PPARGC1B: variants seen among roughly 807,000 people sequenced by gnomAD.
PPARGC1B encodes peroxisome proliferator-activated receptor gamma coactivator 1-beta.
In PPARGC1B, 34 loss-of-function variants were observed where a neutral mutation model predicts 101.6. That is an observed-to-expected ratio of 0.33 (90% CI 0.25 to 0.45). PPARGC1B has a LOEUF of 0.45. PPARGC1B is among the 20% of genes least tolerant of loss of function. The pLI is 1.00. For missense variants in PPARGC1B, 1,234 were observed against 1,317.6 expected, an observed-to-expected ratio of 0.94 and a Z score of 0.98; for synonymous variants, 548 against 539.3, an observed-to-expected ratio of 1.02 and a Z score of -0.22.
chr5:149,804,490 A>G (rs1446831504), intron 1 of PPARGC1B, among the ~76,000 whole-genome samples: 3 of 152,168 alleles, frequency 2.0e-5, no homozygotes, highest in East Asian at 1.9e-4. Context: ...CCTGGCCAAC[A>G]TGGCGAAACC....
At chr5:149,740,116 G>C (rs746563173) in intron 1 of PPARGC1B, 6 of 152,232 alleles carry the variant, frequency 3.9e-5, no homozygotes, top group Non-Finnish European at 8.8e-5. Context: ...ATGACTGTTT[G>C]GTGTTTTAGG....
chr5:149,830,055 G>GAAAAAAAAAAAA (rs71587791), intron 3 of PPARGC1B, among the ~76,000 whole-genome samples: 1 of 89,812 alleles, frequency 1.1e-5, no homozygotes, highest in Non-Finnish European at 2.1e-5. Flanking sequence ...AAAAAAAAAA[G>GAAAAAAAAAAAA]AAAAAAAAAA....
rs543656168 is a variant in PPARGC1B at position 149,821,776 on chromosome 5, C to G, written c.252+1170C>G. ...TACCGTCTGTAAACATGTGAACAAACAGCAGTCACTTGTGATAAGGGCAGA... is the reference window on the plus strand; with the variant it reads ...TACCGTCTGTAAACATGTGAACAAAGAGCAGTCACTTGTGATAAGGGCAGA... On this transcript the variant is annotated intron_variant, in intron 2 of 11. Transcript: ENST00000309241. 2.0e-4 allele frequency among the ~76,000 whole-genome samples: 31 copies of G among 152,292 alleles called. 1 individual carries two copies. The highest frequency in any genetic ancestry group is 3.4e-3 in the Middle Eastern group (1 of 294).
intron 1 of PPARGC1B, among the ~76,000 whole-genome samples, chr5:149,799,292 A>G (rs1757342377): frequency 6.6e-6 from 1 of 152,160 alleles, no homozygotes; most frequent in Non-Finnish European, 1.5e-5. Flanking sequence ...TTTCCCAGGG[A>G]TGAGCACTGG....
At chr5:149,809,350 CATA>C (rs1757739612) in intron 1 of PPARGC1B, among the ~76,000 whole-genome samples, 14 of 34,862 alleles carry the variant, frequency 4.0e-4, no homozygotes, top group East Asian at 5.9e-4. Flanking sequence ...CCATCTCTAC[CATA>C]GATAGATAGA....
At chr5:149,772,058 A>G in intron 1 of PPARGC1B, 3 of 1,547,658 alleles carry the variant, frequency 1.9e-6, no homozygotes, top group Non-Finnish European at 2.6e-6. Flanking sequence ...GGCTGTGCAC[A>G]GGTGGGGACC....
chr5:149,812,967 A>G (rs995273400), intron 1 of PPARGC1B, among the ~76,000 whole-genome samples: 3 of 152,358 alleles, frequency 2.0e-5, no homozygotes, highest in South Asian at 2.1e-4. Flanking sequence ...AAACATTTAT[A>G]AAGTGAAATG....
intron 1 of PPARGC1B, chr5:149,771,840 T>C (rs1756143267): frequency 7.3e-6 from 3 of 411,594 alleles, no homozygotes; most frequent in South Asian, 7.0e-5. Context: ...AGTTGTAGCA[T>C]TTTCAGGTGT....
chr5:149,782,785 G>T (rs1581047695), intron 1 of PPARGC1B, among the ~76,000 whole-genome samples: 1 of 152,228 alleles, frequency 6.6e-6, no homozygotes, highest in African/African-American at 2.4e-5. Context: ...TCACAGGGCC[G>T]CTGCTCTAGG....
chr5:149,841,380 C>T (rs760329002), intron 9 of PPARGC1B, among the ~76,000 whole-genome samples: 3 of 152,110 alleles, frequency 2.0e-5, no homozygotes, highest in Non-Finnish European at 4.4e-5. Context: ...GCTTGGACAT[C>T]GTATGTTGTG....
downstream of PPARGC1B, among the ~76,000 whole-genome samples, chr5:149,856,885 C>G (rs1477877808): frequency 6.6e-6 from 1 of 151,794 alleles, no homozygotes; most frequent in East Asian, 1.9e-4. Context: ...ATTCTCCTGC[C>G]TCAGCCTCCC....
At chr5:149,819,839 G>T (rs1406953874) in intron 1 of PPARGC1B, among the ~76,000 whole-genome samples, 1 of 152,130 alleles carries the variant, frequency 6.6e-6, no homozygotes, top group Admixed American at 6.5e-5. Flanking sequence ...TTTACATATT[G>T]TCTATTGATT....
rs546454651 is a variant in PPARGC1B at position 149,854,373 on chromosome 5, CTGTGTG to C, written c.*6823_*6828del. On this transcript the variant is annotated 3_prime_UTR_variant, in exon 12 of 12. Coordinates refer to ENST00000309241, the MANE Select transcript of PPARGC1B (RefSeq NM_133263.4). Reference sequence around the variant, plus strand: ...TGTGCACACATACACACGTCTGTGCCTGTGTGTGTGTGTTTGTGTGTGTGTGTGTGT... The same window carrying C: ...TGTGCACACATACACACGTCTGTGCCTGTGTGTTTGTGTGTGTGTGTGTGT... The C allele has an allele frequency of 6.7e-6, 1 of 149,894 alleles. No individual in the cohort carries two copies. Among genetic ancestry groups the C allele is most frequent in the African/African-American group, 2.4e-5 (1 of 40,846 alleles). 9.3% of individuals were successfully genotyped at this position (149,894 alleles called of 1,614,324 possible). A position where few individuals can be genotyped will look rare whatever the true frequency, so the allele number is the denominator to read the frequency against.
At chr5:149,774,755 A>G (rs1342052191) in intron 1 of PPARGC1B, among the ~76,000 whole-genome samples, 1 of 151,918 alleles carries the variant, frequency 6.6e-6, no homozygotes, top group Non-Finnish European at 1.5e-5. Flanking sequence ...CTCTGGCCCT[A>G]TACTGACTTG....
In PPARGC1B at chr5:149,836,705, G is replaced by A; in HGVS notation, c.2250G>A (p.Lys750=). Residue 750 remains lysine, a synonymous_variant, in exon 8 of 12, where the codon AAG becomes AAA. Coordinates refer to ENST00000309241, the MANE Select transcript of PPARGC1B (RefSeq NM_133263.4). ...GCTGTGATGCTGGCGCCCCACCCAA[G>A]GACAGCACGCTGCTGAGAGACCATG... ...DRSCDAGAPP[K]DSTLLRDHEI... The A allele has an allele frequency of 6.2e-7, 1 of 1,613,726 alleles. No individual in the cohort carries two copies. The highest frequency in any genetic ancestry group is 8.5e-7 in the Non-Finnish European group (1 of 1,180,002).
rs4039101 is a variant in PPARGC1B, at chr5:149,777,784, A to AACACACACAC, written c.79-42615_79-42606dup. On this transcript the variant is annotated intron_variant, in intron 1 of 11. Transcript: ENST00000309241. Reference sequence around the variant, plus strand: ...GTAGAGATTTAAAAACTGTCTTTGTAACACACACACACACACACACACACA... The same window carrying AACACACACAC: ...GTAGAGATTTAAAAACTGTCTTTGTAACACACACACACACACACACACACACACACACACA... Among the ~76,000 whole-genome samples, 840 of 90,994 alleles carry AACACACACAC rather than the reference A, an allele frequency of 9.2e-3. 85 individuals carry two copies. The highest frequency in any genetic ancestry group is 0.019 in the East Asian group (53 of 2,740). The allele number at this position is 90,994 out of a possible 152,430, so 59.7% of individuals were successfully genotyped here. A position where few individuals can be genotyped will look rare whatever the true frequency, so the allele number is the denominator to read the frequency against.
In PPARGC1B at chr5:149,852,665, T is replaced by C. The variant is rs1036290772; in HGVS notation, c.*5107T>C. 4 of 152,082 alleles carry C rather than the reference T, an allele frequency of 2.6e-5. No individual in the cohort carries two copies. Among genetic ancestry groups the C allele is most frequent in the African/African-American group, 9.7e-5 (4 of 41,422 alleles). 9.4% of individuals were successfully genotyped at this position (152,082 alleles called of 1,614,324 possible). A position where few individuals can be genotyped will look rare whatever the true frequency, so the allele number is the denominator to read the frequency against. ...GCTGTTAATCCGAATGTTGTGACCA[T>C]TTGGCTGTTTCTCTCTTGTTCTCAG... On this transcript the variant is annotated 3_prime_UTR_variant, in exon 12 of 12. Transcript: ENST00000309241.
At chr5:149,808,338 G>C (rs1267679176) in intron 1 of PPARGC1B, among the ~76,000 whole-genome samples, 4 of 152,262 alleles carry the variant, frequency 2.6e-5, no homozygotes, top group African/African-American at 9.6e-5. Context: ...CCCAGGCCCT[G>C]GGGTCCTTGG....
At chr5:149,794,957 C>T (rs1417416210) in intron 1 of PPARGC1B, among the ~76,000 whole-genome samples, 1 of 152,200 alleles carries the variant, frequency 6.6e-6, no homozygotes, top group Non-Finnish European at 1.5e-5. Context: ...CCCTTAGTGC[C>T]ACCCTGCCTT....
Sources: gnomAD v4.1 joint callset for allele counts (sites outside exome capture counted in the v4.1 genomes callset) on GRCh38, gnomAD v4.1.1 for gene constraint, MANE v1.5 for transcripts, NCBI Gene and HGNC (gene_info 2026-07-23, HGNC 2026-07-21) for gene names.